Variants in ZNF33A observed in about 807,000 individuals in gnomAD.
ZNF33A encodes the protein zinc finger protein 33A, also known as brain my041 protein.
In ZNF33A, 9 loss-of-function variants were observed where a neutral mutation model predicts 15.9. The ratio of observed to expected loss-of-function variants is 0.57; its 90% CI spans 0.34 to 0.99. The LOEUF (loss-of-function observed/expected upper bound fraction) is 0.99. ZNF33A is among the 50% of genes least tolerant of loss of function. The probability of loss-of-function intolerance (pLI) is 0.02; values close to 1 mark genes in which losing one functional copy is unlikely to be tolerated. For missense variants in ZNF33A, 843 were observed against 941.6 expected (o/e 0.90, Z 1.37); for synonymous variants, 294 against 324.2 (o/e 0.91, Z 1.00).
rs1157277226 is a variant in ZNF33A at position 38,022,189 on chromosome 10, CAT to C, written c.250+4805_250+4806del. On this transcript the variant is annotated intron_variant, in intron 4 of 4. Transcript: ENST00000432900. The stretch of plus-strand genomic sequence containing the variant: ...GAAAAAGTAGAGAAAACTAATGAAA[CAT>C]AGGGTTCTTTGGGAAAAAATCAATA... Among the ~76,000 whole-genome samples, 3 of 152,008 alleles carry C rather than the reference CAT, an allele frequency of 2.0e-5. No homozygotes were observed. In the East Asian group the frequency reaches 5.8e-4, roughly 29 times the overall value.
At chr10:38,066,131 T>G (rs1373908153), downstream of ZNF33A, among the ~76,000 whole-genome samples, 2 of 152,120 alleles carry the variant, frequency 1.3e-5, no homozygotes, top group Admixed American at 1.3e-4. Context: ...GATTATAGCA[T>G]TTGATATAAA....
chr10:38,024,163 C>CAAAAA (rs71007682), intron 4 of ZNF33A, among the ~76,000 whole-genome samples: 102 of 93,160 alleles, frequency 1.1e-3, no homozygotes, highest in Non-Finnish European at 1.4e-3. Flanking sequence ...AAAAACAAAA[C>CAAAAA]AAAAAAAAAA....
At chr10:38,021,719 A>G (rs1447862072) in intron 4 of ZNF33A, among the ~76,000 whole-genome samples, 3 of 152,342 alleles carry the variant, frequency 2.0e-5, no homozygotes, top group Admixed American at 2.0e-4. Context: ...ATTCAGAAAG[A>G]TAGACCATAT....
intron 4 of ZNF33A, among the ~76,000 whole-genome samples, chr10:38,046,467 G>A (rs1022518989): frequency 6.6e-5 from 10 of 152,132 alleles, no homozygotes; most frequent in African/African-American, 2.4e-4. Flanking sequence ...CACTGCTCCA[G>A]ATTTGCCTAA....
intron 4 of ZNF33A, among the ~76,000 whole-genome samples, chr10:38,046,761 T>A (rs919317680): frequency 3.3e-5 from 5 of 152,120 alleles, no homozygotes; most frequent in Non-Finnish European, 1.5e-5. Flanking sequence ...ATAATTGGAT[T>A]CCATATGTTC....
chr10:38,040,399 A>G (rs1263005560), intron 4 of ZNF33A, among the ~76,000 whole-genome samples: 2 of 152,122 alleles, frequency 1.3e-5, no homozygotes, highest in African/African-American at 4.8e-5. Context: ...GGGGTATTAC[A>G]GTTTGCAATA....
chr10:38,052,223 C>T (rs1351234708), intron 4 of ZNF33A, among the ~76,000 whole-genome samples: 1 of 151,614 alleles, frequency 6.6e-6, no homozygotes, highest in African/African-American at 2.4e-5. Context: ...ATGGAGTCAC[C>T]CAAGAAAAAG....
At chr10:38,014,598 C>T (rs905955354) in intron 2 of ZNF33A, among the ~76,000 whole-genome samples, 4 of 152,122 alleles carry the variant, frequency 2.6e-5, no homozygotes, top group Admixed American at 6.6e-5. Flanking sequence ...TTTTTGAAAA[C>T]ACCATCCTTT....
intron 4 of ZNF33A, among the ~76,000 whole-genome samples, chr10:38,026,548 T>G (rs1249746248): frequency 1.3e-5 from 2 of 152,214 alleles, no homozygotes; most frequent in East Asian, 3.8e-4. Flanking sequence ...TTGGCCAGGC[T>G]TGAACACCTG....
At chr10:38,032,282 A>G (rs2065247471) in intron 4 of ZNF33A, among the ~76,000 whole-genome samples, 1 of 152,188 alleles carries the variant, frequency 6.6e-6, no homozygotes. Flanking sequence ...AATACATAAT[A>G]TCAGTTGTGT....
chr10:38,017,895 C>T (rs746685249), intron 4 of ZNF33A, among the ~76,000 whole-genome samples: 3 of 152,104 alleles, frequency 2.0e-5, no homozygotes, highest in Non-Finnish European at 2.9e-5. Context: ...AGGAGTTCCA[C>T]AACAGCCTGG....
downstream of ZNF33A, chr10:38,064,056 A>G: frequency 2.5e-6 from 4 of 1,593,198 alleles, no homozygotes; most frequent in Non-Finnish European, 3.4e-6. Flanking sequence ...ACATTTTCAA[A>G]TATTGTTCTC....
In ZNF33A at chr10:38,052,402, G is replaced by A. The variant is rs538095938; in HGVS notation, c.251-1973G>A. On this transcript the variant is annotated intron_variant, in intron 4 of 4. Transcript: ENST00000432900. Reference sequence around the variant, plus strand: ...AATATTTTTTTTGCAGCTATGTCTGGCAAAAGATGTGAAAGACCACACTAG... The same window carrying A: ...AATATTTTTTTTGCAGCTATGTCTGACAAAAGATGTGAAAGACCACACTAG... 2.0e-5 allele frequency among the ~76,000 whole-genome samples: 3 copies of A among 152,074 alleles called. No homozygotes were observed. The South Asian group carries it at 6.2e-4, about 32-fold the overall frequency.
downstream of ZNF33A, among the ~76,000 whole-genome samples, chr10:38,065,424 C>T (rs1377354016): frequency 3.3e-5 from 5 of 152,148 alleles, no homozygotes; most frequent in African/African-American, 4.8e-5. Context: ...TGATAACTCA[C>T]GATAAGGATT....
chr10:38,064,171 G>A (rs1453933763), downstream of ZNF33A: 36 of 1,553,046 alleles, frequency 2.3e-5, 1 homozygote, highest in Admixed American at 5.5e-4. Context: ...CACCAGGACT[G>A]GAAGATCCAT....
At chr10:38,030,365 G>T (rs1336892097) in intron 4 of ZNF33A, among the ~76,000 whole-genome samples, 1 of 152,092 alleles carries the variant, frequency 6.6e-6, no homozygotes. Context: ...GATAATGTGT[G>T]GTGTGTCCAT....
In ZNF33A at chr10:38,056,640, T is replaced by G; in HGVS notation, c.*80T>G. ...TAGACTACAACAATTATAGGACAGC[T>G]TTTGTTAGGAAGTGATATTCTATGT... On this transcript the variant is annotated 3_prime_UTR_variant, in exon 5 of 5. Coordinates refer to ENST00000432900, the MANE Select transcript of ZNF33A (RefSeq NM_006954.2). 6.8e-7 allele frequency: 1 copy of G among 1,476,910 alleles called. No individual in the cohort carries two copies. The allele number at this position is 1,476,910 out of a possible 1,614,324, so 91.5% of individuals were successfully genotyped here.
chr10:38,021,633 CAAAAA>C (rs1255848340), intron 4 of ZNF33A, among the ~76,000 whole-genome samples: 1 of 150,474 alleles, frequency 6.6e-6, no homozygotes, highest in South Asian at 2.1e-4. Flanking sequence ...GACTCTGTCT[CAAAAA>C]AGAAAAGAAA....
rs1349572433 is a variant in ZNF33A at position 38,016,890 on chromosome 10, A to G, written c.29A>G (p.Glu10Gly). The change falls in exon 3 of 5, where the codon GAG becomes GGG. Residue 10 changes from glutamate (E) to glycine (G), a missense_variant. Coordinates refer to ENST00000432900, the MANE Select transcript of ZNF33A (RefSeq NM_006954.2). MNKVEQKSQ[E>G]SVSFKDVTVG... ...TTTCAGGTAGAACAGAAGTCCCAGG[A>G]GTCAGTATCATTTAAAGATGTGACT... 6.2e-7 allele frequency: 1 copy of G among 1,614,006 alleles called. No individual in the cohort carries two copies. The highest frequency in any genetic ancestry group is 1.7e-5 in the Admixed American group (1 of 59,928).
Sources: allele counts gnomAD v4.1 joint callset (sites outside exome capture counted in the v4.1 genomes callset), GRCh38; gene constraint gnomAD v4.1.1; transcripts MANE v1.5; gene names NCBI Gene and HGNC (gene_info 2026-07-23, HGNC 2026-07-21).